PCCA: variants seen among roughly 807,000 people sequenced by gnomAD.
PCCA encodes the protein propionyl-CoA carboxylase alpha chain, mitochondrial.
Under a neutral mutation model 101.3 loss-of-function variants are expected in PCCA, and 74 were observed. That is an observed-to-expected ratio of 0.73 (90% CI 0.61 to 0.89). The LOEUF (loss-of-function observed/expected upper bound fraction) is 0.89, where lower values mean the gene tolerates loss of function less well. PCCA is among the 40% of genes least tolerant of loss of function. The pLI is 0.00. For synonymous variants in PCCA, 294 were observed against 313.6 expected (o/e 0.94, Z 0.66); for missense variants, 891 against 907.0 (o/e 0.98, Z 0.23).
intron 4 of PCCA, among the ~76,000 whole-genome samples, chr13:100,120,218 G>A (rs1248538670): frequency 1.5e-5 from 2 of 131,470 alleles, no homozygotes; most frequent in Non-Finnish European, 3.2e-5. Context: ...TTACTCTGTT[G>A]CCCAGGCTGG....
intron 4 of PCCA, among the ~76,000 whole-genome samples, chr13:100,145,968 A>C (rs2052502118): frequency 6.9e-6 from 1 of 145,934 alleles, no homozygotes. Flanking sequence ...ACAGAGTCTC[A>C]CTCTATCGCC....
chr13:100,193,096 A>G (rs2057851984), intron 6 of PCCA, among the ~76,000 whole-genome samples: 1 of 152,156 alleles, frequency 6.6e-6, no homozygotes, highest in Non-Finnish European at 1.5e-5. Flanking sequence ...GTTACTCTCC[A>G]GTAATCTTTA....
intron 2 of PCCA, among the ~76,000 whole-genome samples, chr13:100,106,089 G>C (rs911296410): frequency 1.3e-5 from 2 of 152,056 alleles, no homozygotes; most frequent in African/African-American, 4.8e-5. Context: ...TTGTCTGGTG[G>C]ATTCTTGATG....
At chr13:100,228,727 T>C (rs926856691) in intron 7 of PCCA, among the ~76,000 whole-genome samples, 19 of 151,762 alleles carry the variant, frequency 1.3e-4, no homozygotes, top group Admixed American at 1.2e-3. Context: ...TGAAACCCCA[T>C]CTCTACTAAA....
intron 7 of PCCA, among the ~76,000 whole-genome samples, chr13:100,222,951 T>C (rs1388011883): frequency 2.6e-5 from 4 of 152,244 alleles, no homozygotes; most frequent in African/African-American, 9.6e-5. Flanking sequence ...TTCTTTTTAA[T>C]GGCTTATTAA....
intron 2 of PCCA, among the ~76,000 whole-genome samples, chr13:100,111,531 C>A (rs960033167): frequency 6.6e-6 from 1 of 152,060 alleles, no homozygotes; most frequent in South Asian, 2.1e-4. Flanking sequence ...ATGTAGATAC[C>A]CCCATTGTGA....
intron 2 of PCCA, among the ~76,000 whole-genome samples, chr13:100,105,657 C>CAAAAA (rs34277733): frequency 6.6e-5 from 5 of 75,874 alleles, no homozygotes; most frequent in Non-Finnish European, 9.9e-5. Flanking sequence ...CTGTCTCTAC[C>CAAAAA]AAAAAAAAAA....
chr13:100,135,394 T>TA (rs888015520), intron 4 of PCCA, among the ~76,000 whole-genome samples: 8 of 152,014 alleles, frequency 5.3e-5, no homozygotes, highest in Non-Finnish European at 7.4e-5. Context: ...TCTGTCTCTT[T>TA]AAAAAAATTA....
intron 17 of PCCA, among the ~76,000 whole-genome samples, chr13:100,337,836 AC>A (rs1332565631): frequency 6.6e-6 from 1 of 152,194 alleles, no homozygotes; most frequent in African/African-American, 2.4e-5. Flanking sequence ...CTTGTAAAGG[AC>A]TTTGATTGTG....
At chr13:100,259,317 A>T (rs4526878) in intron 9 of PCCA, among the ~76,000 whole-genome samples, 65,597 of 143,666 alleles carry the variant, frequency 0.46, 15,131 homozygotes, top group Middle Eastern at 0.54. Flanking sequence ...GATTTTTTTT[A>T]AAAATGTAAT....
chr13:100,294,450 C>CT lies in PCCA; in HGVS notation c.1066-7000dup, dbSNP rs543928743. Among the ~76,000 whole-genome samples the CT allele has an allele frequency of 1.3e-3, 195 of 149,492 alleles. 1 individual carries two copies. The highest frequency in any genetic ancestry group is 3.8e-3 in the African/African-American group (155 of 40,860). On this transcript the variant is annotated intron_variant, in intron 12 of 23. Coordinates refer to ENST00000376285, the MANE Select transcript of PCCA (RefSeq NM_000282.4). ...AATCTGTTCCGTTTTCGTGGTCACT[C>CT]TTTTTTTTTTCCATGTATACATAGC...
chr13:100,374,068 C>T (rs906737131), intron 19 of PCCA, among the ~76,000 whole-genome samples: 94 of 151,986 alleles, frequency 6.2e-4, no homozygotes, highest in Non-Finnish European at 1.4e-3. Context: ...GCTGAGATCA[C>T]GCCACTGCAC....
intron 8 of PCCA, among the ~76,000 whole-genome samples, chr13:100,247,284 C>T (rs1466253724): frequency 9.9e-5 from 14 of 141,116 alleles, no homozygotes; most frequent in Non-Finnish European, 1.5e-5. Flanking sequence ...GTGGCATGAT[C>T]TCGGCTCACT....
intron 23 of PCCA, 26 bp downstream of exon 23, chr13:100,527,778 C>T (rs1162116817): frequency 6.5e-7 from 1 of 1,548,372 alleles, no homozygotes; most frequent in East Asian, 2.2e-5. Context: ...CCCATCAGCC[C>T]AGGCCGGCCC....
intron 19 of PCCA, among the ~76,000 whole-genome samples, chr13:100,372,181 C>T (rs1205341449): frequency 6.6e-6 from 1 of 152,124 alleles, no homozygotes; most frequent in African/African-American, 2.4e-5. Context: ...CCCATCTCTA[C>T]TAAAAATACA....
chr13:100,262,956 C>T (rs1250362234), intron 10 of PCCA, 125 bp downstream of exon 10: 14 of 603,648 alleles, frequency 2.3e-5, no homozygotes, highest in Admixed American at 7.9e-5. Context: ...TTGTACTTTC[C>T]GTTAAAGTGC....
At chr13:100,433,396 C>T (rs777105087) in intron 20 of PCCA, among the ~76,000 whole-genome samples, 3 of 152,100 alleles carry the variant, frequency 2.0e-5, no homozygotes, top group Non-Finnish European at 4.4e-5. Context: ...AAAAGCATTC[C>T]GAATACTTCT....
rs142057816 is a variant in PCCA, at chr13:100,455,433, T to C, written c.1899+6128T>C. The stretch of plus-strand genomic sequence containing the variant: ...CCCTAAGTGATATACATTTTTGTTT[T>C]ACGCGTTTTTAAACTTGATATACAT... On this transcript the variant is annotated intron_variant, in intron 21 of 23. Transcript: ENST00000376285. Among the ~76,000 whole-genome samples the C allele has an allele frequency of 2.8e-4, 42 of 152,368 alleles. No homozygotes were observed. In the East Asian group the frequency reaches 5.0e-3, roughly 18 times the overall value.
rs774741111 is a variant in PCCA at position 100,425,643 on chromosome 13, A to T, written c.1757A>T (p.Asp586Val). The T allele has an allele frequency of 1.9e-6, 3 of 1,612,890 alleles. No individual in the cohort carries two copies. In the East Asian group the frequency reaches 6.7e-5, roughly 36 times the overall value. The part of the protein sequence containing the change: ...NNGSVFSVEV[D>V]GSKLNVTSTW... ...TTGGTGTCACAACAGGTGGAAGTTG[A>T]TGGGTCGAAACTAAATGTGACCAGC... Residue 586 changes from aspartate (D) to valine (V), a missense_variant, in exon 20 of 24, where the codon GAT (aspartate) becomes GTT (valine). Transcript: ENST00000376285.
Sources: allele counts gnomAD v4.1 joint callset (sites outside exome capture counted in the v4.1 genomes callset), GRCh38; gene constraint gnomAD v4.1.1; transcripts MANE v1.5; gene names NCBI Gene and HGNC (gene_info 2026-07-23, HGNC 2026-07-21).